The following TTLL5 variants were observed in gnomAD, a reference collection of about 807,000 sequenced individuals.
TTLL5 encodes the protein tubulin polyglutamylase TTLL5.
TTLL5 carries 132 observed loss-of-function variants against 168.4 expected under a neutral mutation model. That is an observed-to-expected ratio of 0.78 (90% CI 0.68 to 0.91). The LOEUF is 0.91. TTLL5 is among the 40% of genes least tolerant of loss of function. TTLL5 has a pLI of 0.00. For missense variants in TTLL5, 1,545 were observed against 1,581.5 expected (o/e 0.98, Z 0.39); for synonymous variants, 546 against 558.6 (o/e 0.98, Z 0.32).
intron 6 of TTLL5, among the ~76,000 whole-genome samples, chr14:75,693,025 C>CAA (rs1885572297): frequency 1.3e-5 from 2 of 151,940 alleles, no homozygotes; most frequent in Middle Eastern, 3.2e-3. Flanking sequence ...TGAAGAGGAA[C>CAA]AAGGGAATGA....
At chr14:75,886,619 A>C in intron 30 of TTLL5, 1 of 1,147,324 alleles carries the variant, frequency 8.7e-7, no homozygotes, top group Non-Finnish European at 1.2e-6. Context: ...ATGATTTAAA[A>C]TTTTTTTTTT....
At chr14:75,913,129 C>G (rs756881190) in intron 31 of TTLL5, among the ~76,000 whole-genome samples, 1 of 152,174 alleles carries the variant, frequency 6.6e-6, no homozygotes, top group Non-Finnish European at 1.5e-5. Flanking sequence ...TTAATATATG[C>G]TTGGGAAAGC....
chr14:75,707,239 T>A, intron 8 of TTLL5, 152 bp downstream of exon 8: 1 of 639,846 alleles, frequency 1.6e-6, no homozygotes, highest in Admixed American at 2.9e-5. Flanking sequence ...CTTACCTATC[T>A]CACGGGATTT....
chr14:75,835,271 T>C lies in TTLL5; in HGVS notation c.3326+15110T>C, dbSNP rs1566624463. The C allele has an allele frequency of 2.0e-5, 3 of 152,202 alleles. 1 individual carries two copies. The highest frequency in any genetic ancestry group is 4.4e-5 in the Non-Finnish European group (3 of 68,042). 9.4% of individuals were successfully genotyped at this position (152,202 alleles called of 1,614,324 possible). A position where few individuals can be genotyped will look rare whatever the true frequency, so the allele number is the denominator to read the frequency against. On this transcript the variant is annotated intron_variant, in intron 28 of 31. Transcript: ENST00000298832. ...GCAAGACAATACTCAACCCAGTAAA[T>C]TTCACCTGGTGGAATCAATATTAAA...
At chr14:75,762,811 G>T (rs944478077) in intron 18 of TTLL5, among the ~76,000 whole-genome samples, 1 of 152,128 alleles carries the variant, frequency 6.6e-6, no homozygotes, top group Non-Finnish European at 1.5e-5. Flanking sequence ...TTGATAAAAA[G>T]AAATCTTTTT....
intron 6 of TTLL5, among the ~76,000 whole-genome samples, chr14:75,691,927 T>G (rs1045400961): frequency 6.6e-6 from 1 of 152,226 alleles, no homozygotes; most frequent in African/African-American, 2.4e-5. Context: ...TCACCATTTA[T>G]CTAATAGCGT....
intron 21 of TTLL5, 149 bp from the exon 22 acceptor site, chr14:75,775,335 T>C: frequency 1.1e-6 from 1 of 871,480 alleles, no homozygotes; most frequent in African/African-American, 1.7e-5. Flanking sequence ...ATGCTTCTTA[T>C]ACCTAACCTT....
At chr14:75,669,177 T>C (rs1028872891) in intron 2 of TTLL5, among the ~76,000 whole-genome samples, 2 of 152,186 alleles carry the variant, frequency 1.3e-5, no homozygotes, top group Non-Finnish European at 2.9e-5. Flanking sequence ...CCACTAATTA[T>C]ACTGGATGAT....
At chr14:75,667,370 C>G (rs780474959) in intron 2 of TTLL5, among the ~76,000 whole-genome samples, 56 of 152,180 alleles carry the variant, frequency 3.7e-4, no homozygotes, top group Non-Finnish European at 6.3e-4. Flanking sequence ...TTTAGGCTGC[C>G]TGTTTTTTTC....
At chr14:75,764,511 A>T in intron 18 of TTLL5, 104 bp from the exon 19 acceptor site, 2 of 1,362,648 alleles carry the variant, frequency 1.5e-6, no homozygotes, top group Non-Finnish European at 2.0e-6. Flanking sequence ...CACTTGAGTT[A>T]CCATGTCCAG....
chr14:75,706,241 A>G lies in TTLL5; in HGVS notation c.586-777A>G, dbSNP rs187319692. On this transcript the variant is annotated intron_variant, in intron 7 of 31. Coordinates refer to ENST00000298832, the MANE Select transcript of TTLL5 (RefSeq NM_015072.5). ...TTAACTTTGTAACCTGGCATCTTGTATTTATAGAAATGCTGCTTTGTGTTC... is the reference window on the plus strand; with the variant it reads ...TTAACTTTGTAACCTGGCATCTTGTGTTTATAGAAATGCTGCTTTGTGTTC... 1.4e-3 allele frequency among the ~76,000 whole-genome samples: 218 copies of G among 152,266 alleles called. 1 individual carries two copies. The highest frequency in any genetic ancestry group is 5.1e-3 in the African/African-American group (213 of 41,552).
intron 31 of TTLL5, among the ~76,000 whole-genome samples, chr14:75,909,635 A>C (rs544633235): frequency 3.3e-4 from 51 of 152,296 alleles, no homozygotes; most frequent in Non-Finnish European, 7.3e-4. Flanking sequence ...CATTCTTAGA[A>C]CAAACATTAA....
At chr14:75,803,149 A>G (rs1301427784) in intron 27 of TTLL5, 3 of 152,188 alleles carry the variant, frequency 2.0e-5, no homozygotes, top group Non-Finnish European at 4.4e-5. Context: ...TAGCTGGACC[A>G]CTCAGGTAGC....
At chr14:75,732,458 A>G (rs1888604021) in intron 13 of TTLL5, 39 bp downstream of exon 13, 1 of 1,577,604 alleles carries the variant, frequency 6.3e-7, no homozygotes, top group African/African-American at 1.4e-5. Flanking sequence ...ACAAATCTTC[A>G]AGTAGTACTT....
intron 10 of TTLL5, among the ~76,000 whole-genome samples, chr14:75,718,629 T>C: frequency 6.6e-6 from 1 of 152,180 alleles, no homozygotes; most frequent in Non-Finnish European, 1.5e-5. Flanking sequence ...ATTATGTATT[T>C]TCTAAATTTT....
intron 28 of TTLL5, among the ~76,000 whole-genome samples, chr14:75,854,841 T>C (rs1488396915): frequency 6.6e-6 from 1 of 152,082 alleles, no homozygotes; most frequent in African/African-American, 2.4e-5. Flanking sequence ...TAAATCTCAT[T>C]ATTTTTGTTA....
intron 27 of TTLL5, among the ~76,000 whole-genome samples, chr14:75,793,815 A>G (rs574268995): frequency 7.0e-4 from 106 of 152,334 alleles, no homozygotes; most frequent in Admixed American, 2.9e-3. Context: ...GAAAAGCCAT[A>G]TCTCTTATTC....
At chr14:75,708,744 C>G (rs1261323604) in intron 9 of TTLL5, among the ~76,000 whole-genome samples, 3 of 152,104 alleles carry the variant, frequency 2.0e-5, no homozygotes, top group Non-Finnish European at 4.4e-5. Context: ...TTTTTGTAAA[C>G]CCTTTAAATT....
At chr14:75,902,029 T>G in intron 30 of TTLL5, 113 bp from the exon 31 acceptor site, 1 of 846,814 alleles carries the variant, frequency 1.2e-6, no homozygotes, top group Non-Finnish European at 2.0e-6. Flanking sequence ...AGGAAGTGAG[T>G]GAATGAGCCA....
Sources: allele counts gnomAD v4.1 joint callset (sites outside exome capture counted in the v4.1 genomes callset), GRCh38; gene constraint gnomAD v4.1.1; transcripts MANE v1.5; gene names NCBI Gene and HGNC (gene_info 2026-07-23, HGNC 2026-07-21).